Variants in TMEM232 observed in about 807,000 individuals in gnomAD.
TMEM232 encodes transmembrane protein 232.
TMEM232 carries 80 observed loss-of-function variants against 78.8 expected under a neutral mutation model. The ratio of observed to expected loss-of-function variants is 1.01; its 90% CI spans 0.85 to 1.22. The LOEUF (loss-of-function observed/expected upper bound fraction) is 1.22. Among genes scored for constraint, TMEM232 ranks in the 50% most tolerant of loss-of-function variants. The probability of loss-of-function intolerance (pLI) is 0.00; values close to 1 mark genes in which losing one functional copy is unlikely to be tolerated. For synonymous variants in TMEM232, 297 were observed against 254.3 expected, an observed-to-expected ratio of 1.17 and a Z score of -1.60; for missense variants, 881 against 742.2, an observed-to-expected ratio of 1.19 and a Z score of -2.17.
intron 4 of TMEM232, among the ~76,000 whole-genome samples, chr5:110,389,026 C>T (rs1292340986): frequency 1.3e-5 from 2 of 151,980 alleles, no homozygotes; most frequent in African/African-American, 2.4e-5. Context: ...TTTGGGAAGC[C>T]GAGGCAGGTG....
chr5:110,667,240 C>G lies in TMEM232; in HGVS notation c.113G>C (p.Gly38Ala), dbSNP rs547390785. Reference protein sequence around the residue: ...LNFQHLSGERGHKSRPTFSIT... With the variant: ...LNFQHLSGERAHKSRPTFSIT... The stretch of plus-strand genomic sequence containing the variant: ...TTTTCTAGCTTACCTTGATTTATGA[C>G]CCCTTTCTCCACTTAAATGTTGAAA... The change falls in exon 2 of 14, where the codon GGT becomes GCT. Residue 38 changes from glycine (G) to alanine (A), a missense_variant. Transcript: ENST00000455884. 3 of 1,544,022 alleles carry G rather than the reference C, an allele frequency of 1.9e-6. No individual in the cohort carries two copies. Among genetic ancestry groups the G allele is most frequent in the Admixed American group, 4.0e-5 (2 of 50,388 alleles).
chr5:110,575,976 C>T (rs576812327), intron 10 of TMEM232, among the ~76,000 whole-genome samples: 1 of 151,958 alleles, frequency 6.6e-6, no homozygotes, highest in South Asian at 2.1e-4. Context: ...GAGGTTAGGT[C>T]CCTGTACATA....
intron 7 of TMEM232, among the ~76,000 whole-genome samples, chr5:110,623,241 C>T (rs1357617126): frequency 6.6e-6 from 1 of 150,836 alleles, no homozygotes; most frequent in Non-Finnish European, 1.5e-5. Flanking sequence ...GCTCATATGG[C>T]ATGTATCCTA....
intron 10 of TMEM232, among the ~76,000 whole-genome samples, chr5:110,571,451 T>C (rs1435716437): frequency 6.6e-6 from 1 of 151,720 alleles, no homozygotes; most frequent in African/African-American, 2.4e-5. Flanking sequence ...AGTAGTGAGG[T>C]AGTTATACAG....
intron 12 of TMEM232, among the ~76,000 whole-genome samples, chr5:110,486,913 G>T (rs1764522259): frequency 6.6e-6 from 1 of 151,950 alleles, no homozygotes; most frequent in Non-Finnish European, 1.5e-5. Context: ...TGGCAGTCTG[G>T]TCGTTTTCAT....
intron 2 of TMEM232, among the ~76,000 whole-genome samples, chr5:110,657,767 AAAT>A (rs1789280476): frequency 6.6e-6 from 1 of 152,204 alleles, no homozygotes; most frequent in Non-Finnish European, 1.5e-5. Flanking sequence ...CACCACGAAG[AAAT>A]AATACATGTT....
chr5:110,556,258 T>C (rs570432310), intron 11 of TMEM232, among the ~76,000 whole-genome samples: 3 of 152,236 alleles, frequency 2.0e-5, no homozygotes, highest in African/African-American at 7.2e-5. Context: ...TTTGGTTAGA[T>C]ATGAAACTCT....
intron 2 of TMEM232, among the ~76,000 whole-genome samples, chr5:110,733,644 G>A (rs1393935790): frequency 6.6e-6 from 1 of 152,116 alleles, no homozygotes; most frequent in Non-Finnish European, 1.5e-5. Context: ...AGAACACAGA[G>A]ACACAAAGAG....
At chr5:110,496,064 T>C (rs554519200) in intron 12 of TMEM232, among the ~76,000 whole-genome samples, 37 of 151,954 alleles carry the variant, frequency 2.4e-4, no homozygotes, top group African/African-American at 8.4e-4. Context: ...GAAAATTGCA[T>C]TCAAATCACA....
intron 12 of TMEM232, among the ~76,000 whole-genome samples, chr5:110,425,793 A>G (rs1167108226): frequency 6.6e-6 from 1 of 152,048 alleles, no homozygotes; most frequent in African/African-American, 2.4e-5. Flanking sequence ...TGCATCCATC[A>G]TTCCTTACCC....
chr5:110,509,123 T>C (rs1051072655), intron 12 of TMEM232, among the ~76,000 whole-genome samples: 2 of 150,216 alleles, frequency 1.3e-5, no homozygotes, highest in African/African-American at 4.9e-5. Context: ...AAATAATTCA[T>C]AAATCTTATT....
At chr5:110,414,341 G>C (rs1561463249) in intron 2 of TMEM232, among the ~76,000 whole-genome samples, 2 of 152,126 alleles carry the variant, frequency 1.3e-5, no homozygotes, top group Non-Finnish European at 2.9e-5. Context: ...GTGACTAAAA[G>C]TATTTGGAGC....
chr5:110,431,938 T>C (rs1236530523), intron 12 of TMEM232, among the ~76,000 whole-genome samples: 3 of 151,634 alleles, frequency 2.0e-5, no homozygotes, highest in Non-Finnish European at 4.4e-5. Context: ...GAGAAATGAA[T>C]CAAATATTTA....
intron 12 of TMEM232, among the ~76,000 whole-genome samples, chr5:110,524,363 AAAAGAAAGAAAG>A (rs756039290): frequency 0.049 from 5,874 of 120,138 alleles, 197 homozygotes; most frequent in Non-Finnish European, 0.068. Context: ...AAGAAAGAAA[AAAAGAAAGAAAG>A]AAAGAAAGAA....
chr5:110,396,711 T>C (rs1454168774), intron 3 of TMEM232, among the ~76,000 whole-genome samples: 1 of 152,212 alleles, frequency 6.6e-6, no homozygotes, highest in Non-Finnish European at 1.5e-5. Flanking sequence ...CAGTGCTGTT[T>C]TGTTACATTC....
At chr5:110,664,652 G>A (rs776009041) in intron 2 of TMEM232, among the ~76,000 whole-genome samples, 4 of 152,208 alleles carry the variant, frequency 2.6e-5, no homozygotes, top group Admixed American at 6.5e-5. Context: ...CCAGAAGCTG[G>A]GAAATCCAAG....
rs1784295055 is a variant in TMEM232 at position 110,625,393 on chromosome 5, G to A, written c.642C>T (p.Asn214=). The A allele has an allele frequency of 1.9e-6, 3 of 1,545,088 alleles. No individual in the cohort carries two copies. The African/African-American group carries it at 4.1e-5, about 21-fold the overall frequency. Residue 214 remains asparagine, a synonymous_variant, in exon 7 of 14, where the codon AAC becomes AAT. Transcript: ENST00000455884. ...FSGASYHKYP[N]IFSNVQFILK... is the part of the protein sequence containing the mutation. ...GGATGAATTGCACATTTGAAAAGAT[G>A]TTTGGATACTTGTGATATGATGCTC... is the stretch of plus-strand genomic sequence containing the variant.
intron 1 of TMEM232, among the ~76,000 whole-genome samples, chr5:110,695,994 A>C (rs1234100760): frequency 2.6e-5 from 4 of 152,020 alleles, no homozygotes; most frequent in South Asian, 4.1e-4. Context: ...AGCAGAGACA[A>C]AACAAAAAAA....
intron 12 of TMEM232, among the ~76,000 whole-genome samples, chr5:110,460,224 C>G (rs1252592169): frequency 3.3e-5 from 5 of 151,762 alleles, no homozygotes; most frequent in African/African-American, 1.2e-4. Context: ...GAGGAATACA[C>G]TGGGGTGTTA....
Sources: gnomAD v4.1 joint callset for allele counts (sites outside exome capture counted in the v4.1 genomes callset) on GRCh38, gnomAD v4.1.1 for gene constraint, MANE v1.5 for transcripts, NCBI Gene and HGNC (gene_info 2026-07-23, HGNC 2026-07-21) for gene names.